The following MECOM variants were observed in gnomAD, a reference collection of about 807,000 sequenced individuals.
MECOM encodes MDS1 and EVI1 complex locus.
MECOM carries 13 observed loss-of-function variants against 116.3 expected under a neutral mutation model. The ratio of observed to expected loss-of-function variants is 0.11; its 90% CI spans 0.07 to 0.18. The LOEUF (loss-of-function observed/expected upper bound fraction) is 0.18, where lower values mean the gene tolerates loss of function less well. Ranked by LOEUF, MECOM falls within the 10% of genes least tolerant of loss-of-function variation. The pLI is 1.00. For synonymous variants in MECOM, 528 were observed against 535.2 expected (o/e 0.99, Z 0.19); for missense variants, 1,299 against 1,509.0 (o/e 0.86, Z 2.31).
chr3:169,337,111 C>A (rs887623392), intron 2 of MECOM, among the ~76,000 whole-genome samples: 1 of 152,100 alleles, frequency 6.6e-6, no homozygotes, highest in Admixed American at 6.6e-5. Flanking sequence ...TGGAAAATAA[C>A]TACTTATGTG....
At chr3:169,488,372 C>CAAAAAAAAAAAA (rs758493062) in intron 1 of MECOM, among the ~76,000 whole-genome samples, 17 of 62,210 alleles carry the variant, frequency 2.7e-4, no homozygotes, top group South Asian at 6.8e-4. Context: ...ACTAAAAATA[C>CAAAAAAAAAAAA]AAAAAAAAAA....
intron 10 of MECOM, among the ~76,000 whole-genome samples, chr3:169,104,561 T>C (rs1724703154): frequency 6.6e-6 from 1 of 152,222 alleles, no homozygotes; most frequent in South Asian, 2.1e-4. Flanking sequence ...GTTTTATTTA[T>C]GTACATTTAA....
intron 2 of MECOM, chr3:169,146,858 G>A: frequency 9.6e-7 from 1 of 1,041,996 alleles, no homozygotes; most frequent in Non-Finnish European, 1.2e-6. Flanking sequence ...AACATTTAGA[G>A]ATGTTTAAAA....
intron 2 of MECOM, among the ~76,000 whole-genome samples, chr3:169,185,587 T>A (rs1343803976): frequency 6.6e-6 from 1 of 152,196 alleles, no homozygotes; most frequent in African/African-American, 2.4e-5. Flanking sequence ...GTCCTGCAGA[T>A]ATGGTACTTA....
At chr3:169,134,942 T>C (rs549262896) in intron 3 of MECOM, among the ~76,000 whole-genome samples, 160 of 152,256 alleles carry the variant, frequency 1.1e-3, no homozygotes, top group Non-Finnish European at 2.0e-3. Flanking sequence ...TATACTTTTA[T>C]GTTATAAAAT....
At chr3:169,381,980 G>A (rs1246657990) in intron 1 of MECOM, among the ~76,000 whole-genome samples, 1 of 152,134 alleles carries the variant, frequency 6.6e-6, no homozygotes, top group Non-Finnish European at 1.5e-5. Context: ...AGATTCCAAA[G>A]GCTGCCATGT....
At chr3:169,652,170 T>G (rs1481759055) in intron 1 of MECOM, among the ~76,000 whole-genome samples, 6 of 152,198 alleles carry the variant, frequency 3.9e-5, no homozygotes, top group African/African-American at 1.4e-4. Flanking sequence ...AAAATGTTTC[T>G]TGCATGTGTA....
intron 2 of MECOM, among the ~76,000 whole-genome samples, chr3:169,264,299 G>A (rs1004147064): frequency 1.3e-5 from 2 of 152,182 alleles, no homozygotes; most frequent in African/African-American, 4.8e-5. Flanking sequence ...GAGGCTGAGA[G>A]ACAGATTCTA....
chr3:169,659,195 A>AG (rs1775925836), intron 1 of MECOM, among the ~76,000 whole-genome samples: 1 of 152,008 alleles, frequency 6.6e-6, no homozygotes, highest in Non-Finnish European at 1.5e-5. Flanking sequence ...CCCAGGGCCC[A>AG]GGGGAGGCCT....
chr3:169,331,057 A>G (rs1368851638), intron 2 of MECOM, among the ~76,000 whole-genome samples: 1 of 152,108 alleles, frequency 6.6e-6, no homozygotes, highest in Non-Finnish European at 1.5e-5. Context: ...TAATACTATC[A>G]ATGATAATAA....
intron 2 of MECOM, among the ~76,000 whole-genome samples, chr3:169,277,196 C>T (rs908464562): frequency 4.6e-5 from 7 of 152,150 alleles, no homozygotes; most frequent in Non-Finnish European, 1.0e-4. Flanking sequence ...TTTCTCTGGT[C>T]TTCATCCTTA....
At chr3:169,188,879 A>G (rs1747121056) in intron 2 of MECOM, among the ~76,000 whole-genome samples, 1 of 152,094 alleles carries the variant, frequency 6.6e-6, no homozygotes, top group South Asian at 2.1e-4. Context: ...AGTCTCTCAA[A>G]ACATTATGTT....
intron 2 of MECOM, among the ~76,000 whole-genome samples, chr3:169,173,083 T>C (rs1414744083): frequency 6.6e-6 from 1 of 152,152 alleles, no homozygotes; most frequent in East Asian, 1.9e-4. Context: ...CCTATTTCTA[T>C]CACCAATAAA....
chr3:169,332,157 G>T (rs1025196341), intron 2 of MECOM, among the ~76,000 whole-genome samples: 5 of 152,138 alleles, frequency 3.3e-5, no homozygotes, highest in Non-Finnish European at 5.9e-5. Context: ...CCCTCAGGGG[G>T]AAACTCTTAA....
intron 2 of MECOM, among the ~76,000 whole-genome samples, chr3:169,296,265 G>A (rs970540234): frequency 6.6e-6 from 1 of 152,184 alleles, no homozygotes; most frequent in African/African-American, 2.4e-5. Flanking sequence ...GGCAGGACAT[G>A]AGAAAATCAG....
chr3:169,314,557 T>C (rs1719397677), intron 2 of MECOM, among the ~76,000 whole-genome samples: 1 of 152,088 alleles, frequency 6.6e-6, no homozygotes, highest in Non-Finnish European at 1.5e-5. Flanking sequence ...CACAACTACC[T>C]TTTGATAGAA....
In MECOM at chr3:169,121,118, A is replaced by T; in HGVS notation, c.1070T>A (p.Phe357Tyr). 6.2e-7 allele frequency: 1 copy of T among 1,613,680 alleles called. No individual in the cohort carries two copies. The highest frequency in any genetic ancestry group is 8.5e-7 in the Non-Finnish European group (1 of 1,179,816). The change falls in exon 7 of 17, where the codon TTT becomes TAT. Residue 357 changes from phenylalanine (F) to tyrosine (Y), a missense_variant. Coordinates refer to ENST00000651503, the MANE Select transcript of MECOM (RefSeq NM_004991.4). ...AHACPECGKT[F>Y]ATSSGLKQHK... ...TTGTTTGAGGCCCGACGAAGTGGCA[A>T]ACGTTTTGCCACACTCCGGGCATGC...
Position 169,107,966 on chromosome 3 carries a change from T to G in MECOM, c.2578-14A>C, listed in dbSNP as rs757682093. The G allele has an allele frequency of 6.2e-7, 1 of 1,611,946 alleles. No homozygotes were observed. The highest frequency in any genetic ancestry group is 8.5e-7 in the Non-Finnish European group (1 of 1,178,740). ...AGGCAGTTGGAACTGGGAGCAAAATTGAAACAAAAACAAAAAATTACTTCT... is the reference window on the plus strand; with the variant it reads ...AGGCAGTTGGAACTGGGAGCAAAATGGAAACAAAAACAAAAAATTACTTCT... On this transcript the variant is annotated splice_polypyrimidine_tract_variant and intron_variant, in intron 9 of 16. Transcript: ENST00000651503.
chr3:169,375,411 G>C (rs1402720605), intron 2 of MECOM, among the ~76,000 whole-genome samples: 8 of 146,198 alleles, frequency 5.5e-5, no homozygotes, highest in Non-Finnish European at 1.5e-5. Flanking sequence ...AAAAAAAATT[G>C]ACAAAATAGA....
Sources: allele counts gnomAD v4.1 joint callset (sites outside exome capture counted in the v4.1 genomes callset), GRCh38; gene constraint gnomAD v4.1.1; transcripts MANE v1.5; gene names NCBI Gene and HGNC (gene_info 2026-07-23, HGNC 2026-07-21).